The following MYH9 variants were observed in gnomAD, a reference collection of about 807,000 sequenced individuals.
MYH9 encodes myosin heavy chain 9, also known as myosin-9.
MYH9 carries 29 observed loss-of-function variants against 241.9 expected under a neutral mutation model. The ratio of observed to expected loss-of-function variants is 0.12; its 90% confidence interval spans 0.09 to 0.16. MYH9 has a LOEUF of 0.16. MYH9 is among the 10% of genes least tolerant of loss of function. The pLI is 1.00. For synonymous variants in MYH9, 1,047 were observed against 1,062.6 expected (o/e 0.99, Z 0.29); for missense variants, 1,803 against 2,595.5 (o/e 0.69, Z 6.63).
At chr22:36,319,437 T>TA (rs777222328) in intron 10 of MYH9, 103 bp downstream of exon 10, 32 of 1,078,044 alleles carry the variant, frequency 3.0e-5, no homozygotes, top group Non-Finnish European at 4.4e-5. Flanking sequence ...ATACTAACAT[T>TA]AAAAAGAATA....
intron 2 of MYH9, 35 bp from the exon 3 acceptor site, chr22:36,341,561 G>T (rs2017590834): frequency 3.7e-6 from 6 of 1,609,996 alleles, no homozygotes; most frequent in Admixed American, 1.7e-5. Context: ...AACAGGTTAG[G>T]AAGTTTGATT....
At chr22:36,384,568 G>C (rs2018309648) in intron 1 of MYH9, among the ~76,000 whole-genome samples, 1 of 86,206 alleles carries the variant, frequency 1.2e-5, no homozygotes. Context: ...GGGCGACAGA[G>C]CAAGACTCTG....
intron 24 of MYH9, 46 bp from the exon 25 acceptor site, chr22:36,297,060 T>C: frequency 6.3e-7 from 1 of 1,597,872 alleles, no homozygotes; most frequent in South Asian, 1.1e-5. Context: ...CCATGGGTTC[T>C]GTCTCCGTGT....
rs2017351663 is a variant in MYH9, at chr22:36,327,340, A to G, written c.518+121T>C. ...GTCCTATCCCTTGGAGAAGTGGAGG[A>G]GGGGCCTTGAATTGGGAATGGGGGA... On this transcript the variant is annotated intron_variant, in intron 4 of 40. Transcript: ENST00000216181. 6 of 1,124,042 alleles carry G rather than the reference A, an allele frequency of 5.3e-6. No individual in the cohort carries two copies. In the South Asian group the frequency reaches 7.7e-5, roughly 14 times the overall value. 69.6% of individuals were successfully genotyped at this position (1,124,042 alleles called of 1,614,324 possible).
At chr22:36,345,789 C>T (rs1383749865) in intron 2 of MYH9, among the ~76,000 whole-genome samples, 4 of 152,184 alleles carry the variant, frequency 2.6e-5, no homozygotes, top group Admixed American at 6.5e-5. Flanking sequence ...CAACACCTGG[C>T]TGTGTGACCC....
intron 35 of MYH9, 85 bp downstream of exon 35, chr22:36,286,633 C>A: frequency 6.3e-7 from 1 of 1,588,052 alleles, no homozygotes. Context: ...AGTAGGACTC[C>A]AGCCCTGTCC....
chr22:36,302,778 T>C (rs1445250875), intron 19 of MYH9, 102 bp from the exon 20 acceptor site: 2 of 975,092 alleles, frequency 2.1e-6, no homozygotes, highest in South Asian at 1.3e-5. Flanking sequence ...TACCCTTGCC[T>C]GGGGCACCTC....
Position 36,295,813 on chromosome 22 carries a change from C to T in MYH9, c.3273-96G>A. Reference sequence around the variant, plus strand: ...CCTGAGAGAGCTGCAGCAGCCAAAGCTGCCTCCTGTGGTCACAATCATGGC... The same window carrying T: ...CCTGAGAGAGCTGCAGCAGCCAAAGTTGCCTCCTGTGGTCACAATCATGGC... On this transcript the variant is annotated intron_variant, in intron 25 of 40. Transcript: ENST00000216181. The surrounding 1 kb of genome is among the most constrained non-coding windows in gnomAD (Gnocchi z 4.1). 2 of 1,163,272 alleles carry T rather than the reference C, an allele frequency of 1.7e-6. No individual in the cohort carries two copies. The highest frequency in any genetic ancestry group is 2.6e-5 in the South Asian group (2 of 77,006). The allele number at this position is 1,163,272 out of a possible 1,614,324, so 72.1% of individuals were successfully genotyped here.
chr22:36,282,890 G>A (rs1569534576), intron 40 of MYH9, 105 bp from the exon 41 acceptor site: 4 of 1,022,378 alleles, frequency 3.9e-6, no homozygotes, highest in Non-Finnish European at 5.7e-6. Flanking sequence ...GAAACCAGGT[G>A]CCTGGCTGCT....
rs552033846 is a variant in MYH9 at position 36,306,697 on chromosome 22, G to A, written c.1844-90C>T. On this transcript the variant is annotated intron_variant, in intron 15 of 40. Coordinates refer to ENST00000216181, the MANE Select transcript of MYH9 (RefSeq NM_002473.6). This position sits in a 1 kb window ranked among gnomAD's most constrained non-coding sequence, Gnocchi z 4.1. ...TAGGAGAGAGAGACAGGCACACGTCGGACAGGAAAAGAGGAGACAGAATGA... is the reference window on the plus strand; with the variant it reads ...TAGGAGAGAGAGACAGGCACACGTCAGACAGGAAAAGAGGAGACAGAATGA... 2.7e-4 allele frequency: 353 copies of A among 1,284,978 alleles called. 6 individuals are homozygous for A. In the South Asian group the frequency reaches 3.0e-3, roughly 11 times the overall value. The allele number at this position is 1,284,978 out of a possible 1,614,324, so 79.6% of individuals were successfully genotyped here.
At chr22:36,334,544 G>A (rs2017469442) in intron 3 of MYH9, among the ~76,000 whole-genome samples, 3 of 152,254 alleles carry the variant, frequency 2.0e-5, no homozygotes, top group African/African-American at 7.2e-5. Context: ...GGTCGCTGCA[G>A]GGGCGGCTGT....
chr22:36,335,129 G>A (rs188727296), intron 3 of MYH9, among the ~76,000 whole-genome samples: 3 of 152,330 alleles, frequency 2.0e-5, no homozygotes, highest in African/African-American at 7.2e-5. Flanking sequence ...CTCTGTGCTA[G>A]TCTCTGGCTC....
chr22:36,381,979 TTTGTTGTTG>T (rs540701479), intron 1 of MYH9, among the ~76,000 whole-genome samples: 1 of 151,950 alleles, frequency 6.6e-6, no homozygotes, highest in African/African-American at 2.4e-5. Flanking sequence ...ACAACTTTCT[TTTGTTGTTG>T]TTGTTGTTGT....
At chr22:36,313,899 C>T (rs2017108179) in intron 13 of MYH9, among the ~76,000 whole-genome samples, 1 of 152,228 alleles carries the variant, frequency 6.6e-6, no homozygotes. Flanking sequence ...CACATATGCA[C>T]CTGGTCCGGC....
Position 36,293,560 on chromosome 22 carries a change from G to C in MYH9, c.3943-79C>G, listed in dbSNP as rs955630304. 22 of 1,579,616 alleles carry C rather than the reference G, an allele frequency of 1.4e-5. No individual in the cohort carries two copies. The highest frequency in any genetic ancestry group is 1.9e-5 in the Non-Finnish European group (22 of 1,158,734). On this transcript the variant is annotated intron_variant, in intron 29 of 40. Transcript: ENST00000216181. The surrounding 1 kb of genome is among the most constrained non-coding windows in gnomAD (Gnocchi z 5.1). ...CAGGAACCCCACACCCTTGAGGAGA[G>C]GGAGGAGCTGGTCCTGCTGATTTAG...
At chr22:36,354,198 A>C (rs1472956824) in intron 1 of MYH9, among the ~76,000 whole-genome samples, 1 of 151,728 alleles carries the variant, frequency 6.6e-6, no homozygotes, top group Non-Finnish European at 1.5e-5. Flanking sequence ...CACCACACCC[A>C]GCCTCAGATT....
At chr22:36,335,979 T>C (rs1348044128) in intron 3 of MYH9, among the ~76,000 whole-genome samples, 2 of 152,256 alleles carry the variant, frequency 1.3e-5, no homozygotes, top group African/African-American at 4.8e-5. Context: ...GCACACTCAC[T>C]GGCACTCTGA....
rs146582828 is a variant in MYH9, at chr22:36,281,339, G to A, written c.*1329C>T. The A allele has an allele frequency of 7.2e-3, 1,565 of 216,550 alleles. 10 individuals are homozygous for A. Among genetic ancestry groups the A allele is most frequent in the Non-Finnish European group, 9.0e-3 (970 of 107,356 alleles). The allele number at this position is 216,550 out of a possible 1,614,324, so 13.4% of individuals were successfully genotyped here. ...GAAAACATCTGTAAACCAGCTTACT[G>A]TAGTGGTGACAGCTGCAACACATGC... On this transcript the variant is annotated 3_prime_UTR_variant, in exon 41 of 41. Coordinates refer to ENST00000216181, the MANE Select transcript of MYH9 (RefSeq NM_002473.6).
At chr22:36,371,294 T>C (rs2018086238) in intron 1 of MYH9, among the ~76,000 whole-genome samples, 1 of 152,156 alleles carries the variant, frequency 6.6e-6, no homozygotes, top group Admixed American at 6.5e-5. Flanking sequence ...CCTAATCCCA[T>C]GGCTGGTGTC....
Sources: allele counts gnomAD v4.1 joint callset (sites outside exome capture counted in the v4.1 genomes callset), GRCh38; gene constraint gnomAD v4.1.1; non-coding constraint Gnocchi (gnomAD v3.1); transcripts MANE v1.5; gene names NCBI Gene and HGNC (gene_info 2026-07-23, HGNC 2026-07-21).